MAP3K5: variants seen among roughly 807,000 people sequenced by gnomAD.
MAP3K5 encodes mitogen-activated protein kinase kinase kinase 5, also known as ASK-1.
A neutral mutation model predicts 158.7 loss-of-function variants in MAP3K5; 56 were observed. The ratio of observed to expected loss-of-function variants is 0.35; its 90% CI spans 0.28 to 0.44. MAP3K5 has a LOEUF of 0.44. Among genes scored for constraint, MAP3K5 ranks in the 20% least tolerant of loss-of-function variants. MAP3K5 has a pLI of 1.00. For missense variants in MAP3K5, 1,294 were observed against 1,674.8 expected (o/e 0.77, Z 3.97); for synonymous variants, 579 against 601.7 (o/e 0.96, Z 0.55).
intron 12 of MAP3K5, among the ~76,000 whole-genome samples, chr6:136,641,957 C>T (rs1441020032): frequency 6.7e-6 from 1 of 148,172 alleles, no homozygotes; most frequent in Non-Finnish European, 1.5e-5. Flanking sequence ...CACTGCACTC[C>T]AGCCTGGGCG....
At chr6:136,652,041 GA>G (rs768298863) in intron 10 of MAP3K5, among the ~76,000 whole-genome samples, 2 of 152,210 alleles carry the variant, frequency 1.3e-5, no homozygotes, top group East Asian at 1.9e-4. Context: ...TAACACTCAA[GA>G]AAATTATCTT....
intron 11 of MAP3K5, among the ~76,000 whole-genome samples, chr6:136,645,510 C>T (rs1052975068): frequency 1.1e-4 from 17 of 152,030 alleles, no homozygotes; most frequent in African/African-American, 4.1e-4. Flanking sequence ...ACTTCAACCC[C>T]CAAAAGGGGG....
At chr6:136,564,950 C>T (rs1347309981) in intron 26 of MAP3K5, among the ~76,000 whole-genome samples, 1 of 152,188 alleles carries the variant, frequency 6.6e-6, no homozygotes, top group Non-Finnish European at 1.5e-5. Flanking sequence ...GATTTCTGTA[C>T]GTCACTTTAC....
intron 21 of MAP3K5, among the ~76,000 whole-genome samples, chr6:136,596,027 G>A (rs534314687): frequency 2.7e-4 from 41 of 152,268 alleles, no homozygotes; most frequent in African/African-American, 9.6e-4. Flanking sequence ...AATTGGATAT[G>A]AGTCTGGAGC....
At chr6:136,781,071 G>C (rs1784594447) in intron 1 of MAP3K5, among the ~76,000 whole-genome samples, 1 of 152,148 alleles carries the variant, frequency 6.6e-6, no homozygotes, top group Admixed American at 6.5e-5. Context: ...TCACATTAAG[G>C]GAAACTGCAT....
chr6:136,618,415 A>AGGAGC (rs1206315288), intron 15 of MAP3K5, among the ~76,000 whole-genome samples: 5 of 152,258 alleles, frequency 3.3e-5, no homozygotes, highest in African/African-American at 1.2e-4. Flanking sequence ...TACCAACTGC[A>AGGAGC]TTGTTACAGA....
intron 10 of MAP3K5, 200 bp downstream of exon 10, chr6:136,656,107 A>T: frequency 1.9e-6 from 1 of 540,466 alleles, no homozygotes. Context: ...AAAACATAAA[A>T]ATAGATCTCA....
intron 1 of MAP3K5, among the ~76,000 whole-genome samples, chr6:136,787,746 G>A (rs930864997): frequency 2.6e-5 from 4 of 152,334 alleles, no homozygotes; most frequent in East Asian, 1.9e-4. Context: ...ATGAAGGGCC[G>A]TTCTCACAAT....
At chr6:136,791,683 G>A (rs1785083656) in intron 1 of MAP3K5, 27 bp downstream of exon 1, 1 of 1,609,996 alleles carries the variant, frequency 6.2e-7, no homozygotes, top group Admixed American at 1.7e-5. Context: ...CCGACCGCGC[G>A]GGATGGGAAA....
intron 14 of MAP3K5, among the ~76,000 whole-genome samples, chr6:136,623,997 C>A (rs890797903): frequency 6.6e-6 from 1 of 152,030 alleles, no homozygotes; most frequent in Non-Finnish European, 1.5e-5. Flanking sequence ...AGTTTGAGAC[C>A]AGCCTAGCCA....
intron 1 of MAP3K5, among the ~76,000 whole-genome samples, chr6:136,772,108 G>GA: frequency 6.9e-6 from 1 of 144,052 alleles, no homozygotes; most frequent in East Asian, 2.2e-4. Context: ...TGGGGGGGGG[G>GA]GGTTTACCAT....
intron 14 of MAP3K5, among the ~76,000 whole-genome samples, chr6:136,628,943 G>T (rs1398192614): frequency 6.6e-6 from 1 of 152,220 alleles, no homozygotes; most frequent in African/African-American, 2.4e-5. Flanking sequence ...TCCAGGAATA[G>T]TAGAAGAGAG....
intron 15 of MAP3K5, among the ~76,000 whole-genome samples, chr6:136,619,080 G>A (rs9373171): frequency 2.6e-5 from 4 of 152,082 alleles, no homozygotes; most frequent in Admixed American, 6.6e-5. Context: ...CTGGAGGCAG[G>A]GTGAAAGTCA....
intron 7 of MAP3K5, among the ~76,000 whole-genome samples, chr6:136,686,651 C>G (rs1033522992): frequency 6.6e-6 from 1 of 152,148 alleles, no homozygotes; most frequent in Non-Finnish European, 1.5e-5. Context: ...AGAGCCAAAT[C>G]ATGAGTGAAC....
chr6:136,697,296 G>A lies in MAP3K5; in HGVS notation c.898C>T (p.Arg300Trp), dbSNP rs1479028065. 3.7e-6 allele frequency: 6 copies of A among 1,613,642 alleles called. No homozygotes were observed. Among genetic ancestry groups the A allele is most frequent in the East Asian group, 2.2e-5 (1 of 44,844 alleles). The change falls in exon 5 of 30, where the codon CGG becomes TGG. Residue 300 changes from arginine (R) to tryptophan (W), a missense_variant. Physicochemically the swap from Arg to Trp is moderately radical, Grantham distance 101. This residue lies in a region of MAP3K5 where 690 missense variants were observed against 870.5 expected (regional missense o/e 0.79). Coordinates refer to ENST00000359015, the MANE Select transcript of MAP3K5 (RefSeq NM_005923.4). The stretch of plus-strand genomic sequence containing the variant: ...ACTTCGATATTATCTACTCGCTGCC[G>A]AATTCTTGCCAACTCAGCTGCCAAT... ...KELAAELARI[R>W]QRVDNIEVLT...
Position 136,621,732 on chromosome 6 carries a change from G to A in MAP3K5, c.2150+1116C>T, listed in dbSNP as rs191314338. On this transcript the variant is annotated intron_variant, in intron 15 of 29. Transcript: ENST00000359015. ...ACTTCCCCTAGTTTGGTTAGGCTCC[G>A]GTAAAATAGAGTCTCTTGTGGACAG... Among the ~76,000 whole-genome samples, 14 of 152,272 alleles carry A rather than the reference G, an allele frequency of 9.2e-5. No homozygotes were observed. In the East Asian group the frequency reaches 9.7e-4, roughly 11 times the overall value.
chr6:136,606,115 G>A (rs1776087730), intron 18 of MAP3K5, among the ~76,000 whole-genome samples: 1 of 152,218 alleles, frequency 6.6e-6, no homozygotes, highest in African/African-American at 2.4e-5. Flanking sequence ...CACTTTGGGA[G>A]GCCAAGGCAG....
At chr6:136,637,633 T>G (rs1296508976) in intron 13 of MAP3K5, among the ~76,000 whole-genome samples, 1 of 147,398 alleles carries the variant, frequency 6.8e-6, no homozygotes, top group African/African-American at 2.6e-5. Flanking sequence ...TTCAAATACA[T>G]TTTTCTTCAG....
chr6:136,630,139 G>T (rs532375489), intron 14 of MAP3K5: 3 of 152,092 alleles, frequency 2.0e-5, no homozygotes, highest in African/African-American at 7.2e-5. Flanking sequence ...ACCCTTCCCT[G>T]GTTTATTATT....
Sources: allele counts gnomAD v4.1 joint callset (sites outside exome capture counted in the v4.1 genomes callset), GRCh38; gene constraint gnomAD v4.1.1; regional missense constraint gnomAD v4.1.1; transcripts MANE v1.5; gene names NCBI Gene and HGNC (gene_info 2026-07-23, HGNC 2026-07-21).